Variants in DIS3L2 observed in about 807,000 individuals in gnomAD.
DIS3L2 encodes DIS3 like 3'-5' exoribonuclease 2.
In DIS3L2, 34 loss-of-function variants were observed where a neutral mutation model predicts 97.5. The ratio of observed to expected loss-of-function variants is 0.35; its 90% CI spans 0.27 to 0.46. The LOEUF (loss-of-function observed/expected upper bound fraction) is 0.46. Among genes scored for constraint, DIS3L2 ranks in the 20% least tolerant of loss-of-function variants. The pLI is 1.00. For synonymous variants in DIS3L2, 435 were observed against 445.2 expected, an observed-to-expected ratio of 0.98 and a Z score of 0.29; for missense variants, 1,038 against 1,146.0, an observed-to-expected ratio of 0.91 and a Z score of 1.36.
chr2:232,073,588 G>C, intron 5 of DIS3L2, among the ~76,000 whole-genome samples: 1 of 152,106 alleles, frequency 6.6e-6, no homozygotes, highest in South Asian at 2.1e-4. Context: ...GATGGTCTTT[G>C]AGCTCGAGGA....
At chr2:232,211,581 C>T (rs1451547483) in intron 10 of DIS3L2, among the ~76,000 whole-genome samples, 1 of 152,218 alleles carries the variant, frequency 6.6e-6, no homozygotes, top group Non-Finnish European at 1.5e-5. Flanking sequence ...CTAACATGGC[C>T]TTTGACATTT....
intron 8 of DIS3L2, among the ~76,000 whole-genome samples, chr2:232,142,053 A>G (rs1690065384): frequency 6.6e-6 from 1 of 152,194 alleles, no homozygotes; most frequent in Non-Finnish European, 1.5e-5. Context: ...TGCAAAAGGA[A>G]TATTTCACCT....
At chr2:232,329,786 C>CCCGGGGGCG in intron 14 of DIS3L2, 27 bp from the exon 15 acceptor site, 14 of 430,234 alleles carry the variant, frequency 3.3e-5, no homozygotes, top group Non-Finnish European at 5.5e-5. Context: ...CCCCAGCGGT[C>CCCGGGGGCG]CCTCCCATCC....
At chr2:232,092,477 C>CTGTA (rs1696874721) in intron 6 of DIS3L2, among the ~76,000 whole-genome samples, 1 of 151,816 alleles carries the variant, frequency 6.6e-6, no homozygotes, top group Non-Finnish European at 1.5e-5. Flanking sequence ...TGCATTGAAT[C>CTGTA]TGTAGATTGC....
At chr2:231,966,395 C>G (rs1692716030) in intron 1 of DIS3L2, among the ~76,000 whole-genome samples, 1 of 151,924 alleles carries the variant, frequency 6.6e-6, no homozygotes, top group Non-Finnish European at 1.5e-5. Context: ...GTCTCAAACT[C>G]CTGACCTCAA....
intron 6 of DIS3L2, among the ~76,000 whole-genome samples, chr2:232,129,055 A>G (rs1698149129): frequency 6.6e-6 from 1 of 152,156 alleles, no homozygotes; most frequent in African/African-American, 2.4e-5. Flanking sequence ...GTAATTTGGT[A>G]TAACATTTTG....
At chr2:232,076,240 T>C (rs1452452700) in intron 5 of DIS3L2, among the ~76,000 whole-genome samples, 1 of 152,238 alleles carries the variant, frequency 6.6e-6, no homozygotes, top group Non-Finnish European at 1.5e-5. Context: ...ATGTTCTTTC[T>C]CAGCTTAGAT....
rs1290826340 is a variant in DIS3L2 at position 231,978,217 on chromosome 2, C to A, written c.-94+16452C>A. Among the ~76,000 whole-genome samples, 4 of 152,186 alleles carry A rather than the reference C, an allele frequency of 2.6e-5. 1 individual carries two copies. The South Asian group carries it at 8.3e-4, about 32-fold the overall frequency. ...ATATAGAATAGCAGGACAATGAATA[C>A]CCAATGTACACAACCACCAGATTAA... is the stretch of plus-strand genomic sequence containing the variant. On this transcript the variant is annotated intron_variant, in intron 1 of 20. Transcript: ENST00000325385.
Position 232,334,691 on chromosome 2 carries a change from G to C in DIS3L2, c.2350G>C (p.Val784Leu), listed in dbSNP as rs754474723. Reference sequence around the variant, plus strand: ...GGGCATCCTGAAGCAAGCCTTCGACGTGCTGGTGCTGCGCTACGGCGTGCA... The same window carrying C: ...GGGCATCCTGAAGCAAGCCTTCGACCTGCTGGTGCTGCGCTACGGCGTGCA... ...VMGILKQAFD[V>L]LVLRYGVQKR... The change falls in exon 19 of 21, where the codon GTG becomes CTG. Residue 784 changes from valine to leucine, a missense_variant. By Grantham distance (32) the Val-to-Leu change is conservative. Around this residue, in one of 3 missense-constraint regions of DIS3L2, gnomAD observed 221 missense variants for 246.9 expected, o/e 0.90. Coordinates refer to ENST00000325385, the MANE Select transcript of DIS3L2 (RefSeq NM_152383.5). The C allele has an allele frequency of 6.2e-7, 1 of 1,610,640 alleles. No individual in the cohort carries two copies. Among genetic ancestry groups the C allele is most frequent in the Admixed American group, 1.7e-5 (1 of 59,796 alleles).
intron 9 of DIS3L2, among the ~76,000 whole-genome samples, chr2:232,167,908 G>C (rs963054459): frequency 6.6e-6 from 1 of 152,090 alleles, no homozygotes; most frequent in African/African-American, 2.4e-5. Flanking sequence ...AATTAGCCGG[G>C]TGTGGTGGCA....
chr2:232,218,601 G>C (rs890046663), intron 10 of DIS3L2, among the ~76,000 whole-genome samples: 1 of 152,148 alleles, frequency 6.6e-6, no homozygotes, highest in Non-Finnish European at 1.5e-5. Flanking sequence ...GCAGGACAAG[G>C]GTCCCTCTGA....
intron 8 of DIS3L2, among the ~76,000 whole-genome samples, chr2:232,155,077 C>T (rs1201548628): frequency 1.3e-5 from 2 of 150,718 alleles, no homozygotes; most frequent in Non-Finnish European, 1.5e-5. Context: ...ACGGTGAGCA[C>T]ACACACTGGC....
At chr2:232,176,534 T>C (rs1410638474) in intron 9 of DIS3L2, among the ~76,000 whole-genome samples, 1 of 151,802 alleles carries the variant, frequency 6.6e-6, no homozygotes, top group Non-Finnish European at 1.5e-5. Flanking sequence ...TTTGTTCTTC[T>C]TTGGTTTCTT....
At chr2:232,054,479 G>A (rs1424109252) in intron 5 of DIS3L2, among the ~76,000 whole-genome samples, 1 of 152,140 alleles carries the variant, frequency 6.6e-6, no homozygotes, top group African/African-American at 2.4e-5. Context: ...TAATTTGAAA[G>A]GAAAATTTTT....
At chr2:232,127,058 C>A (rs1170037613) in intron 6 of DIS3L2, among the ~76,000 whole-genome samples, 1 of 152,176 alleles carries the variant, frequency 6.6e-6, no homozygotes, top group Non-Finnish European at 1.5e-5. Flanking sequence ...TTGTGTATAG[C>A]AGTGTGGTGC....
At chr2:231,965,723 A>T (rs533868474) in intron 1 of DIS3L2, among the ~76,000 whole-genome samples, 28 of 152,222 alleles carry the variant, frequency 1.8e-4, no homozygotes, top group Non-Finnish European at 3.1e-4. Flanking sequence ...AAATAATCAC[A>T]CAAATGCAAA....
chr2:232,310,432 C>G (rs1428812246), intron 14 of DIS3L2, among the ~76,000 whole-genome samples: 1 of 152,234 alleles, frequency 6.6e-6, no homozygotes, highest in African/African-American at 2.4e-5. Flanking sequence ...CCTGCTTCCA[C>G]TGCTGGATTC....
chr2:232,065,761 A>G (rs899577511), intron 5 of DIS3L2, among the ~76,000 whole-genome samples: 2 of 152,006 alleles, frequency 1.3e-5, no homozygotes, highest in East Asian at 1.9e-4. Context: ...TGGGGTCCAA[A>G]TGGCATAGAT....
At chr2:232,336,017 C>T in intron 20 of DIS3L2, 143 bp downstream of exon 20, 1 of 1,521,684 alleles carries the variant, frequency 6.6e-7, no homozygotes, top group Middle Eastern at 2.3e-4. Context: ...GCCCTCCCAG[C>T]TCACCCAGAC....
Sources: allele counts gnomAD v4.1 joint callset (sites outside exome capture counted in the v4.1 genomes callset), GRCh38; gene constraint gnomAD v4.1.1; regional missense constraint gnomAD v4.1.1; transcripts MANE v1.5; gene names NCBI Gene and HGNC (gene_info 2026-07-23, HGNC 2026-07-21).